The following MID2 variants were observed in gnomAD, a reference collection of about 807,000 sequenced individuals.
MID2 encodes probable E3 ubiquitin-protein ligase MID2.
Under a neutral mutation model 46.1 loss-of-function variants are expected in MID2, and 13 were observed. The observed-to-expected ratio is 0.28, with a 90% CI of 0.18 to 0.45. The LOEUF (loss-of-function observed/expected upper bound fraction) is 0.45. Among genes scored for constraint, MID2 ranks in the 20% least tolerant of loss-of-function variants. MID2 has a pLI of 1.00. For synonymous variants in MID2, 199 were observed against 212.3 expected, an observed-to-expected ratio of 0.94 and a Z score of 0.55; for missense variants, 431 against 575.4, an observed-to-expected ratio of 0.75 and a Z score of 2.57.
intron 3 of MID2, among the ~76,000 whole-genome samples, chrX:107,887,254 G>A (rs756204503): frequency 0.012 from 1,313 of 111,970 alleles, 17 homozygotes; most frequent in African/African-American, 0.04. Flanking sequence ...GATATTGGCT[G>A]TGGGTTTTTC....
chrX:107,899,438 A>G (rs906556589), intron 3 of MID2, among the ~76,000 whole-genome samples: 1 of 111,053 alleles, frequency 9.0e-6, no homozygotes, highest in Non-Finnish European at 1.9e-5. Context: ...GGGGAAGACT[A>G]GGTCTTACTC....
intron 3 of MID2, among the ~76,000 whole-genome samples, chrX:107,896,652 T>C (rs1278417483): frequency 1.8e-5 from 2 of 112,854 alleles, no homozygotes; most frequent in African/African-American, 6.4e-5. Flanking sequence ...TTAAAATATG[T>C]TGTATTATGC....
chrX:107,832,069 C>T (rs1931100263), intron 1 of MID2, among the ~76,000 whole-genome samples: 1 of 112,034 alleles, frequency 8.9e-6, no homozygotes, highest in South Asian at 3.7e-4. Context: ...ATAAAATACT[C>T]AATGTTTGGA....
intron 3 of MID2, among the ~76,000 whole-genome samples, chrX:107,898,474 C>A (rs1475897233): frequency 8.9e-6 from 1 of 112,049 alleles, no homozygotes; most frequent in Non-Finnish European, 1.9e-5. Context: ...TTTATCTAAT[C>A]CTCTGATTGT....
At chrX:107,890,730 G>T (rs1214727408) in intron 3 of MID2, among the ~76,000 whole-genome samples, 1 of 111,851 alleles carries the variant, frequency 8.9e-6, no homozygotes, top group African/African-American at 3.2e-5. Context: ...AGTCTACAGA[G>T]GCAGGCAGGC....
intron 3 of MID2, among the ~76,000 whole-genome samples, chrX:107,865,993 G>C (rs781180440): frequency 2.9e-4 from 33 of 112,717 alleles, no homozygotes; most frequent in African/African-American, 1.0e-3. Context: ...TTAGAGAAGA[G>C]GGTGAGTGAC....
At position 107,925,074 on chromosome X, in the gene MID2, G is replaced by T. The variant is rs776573292; in HGVS notation, c.1597+570G>T. Among the ~76,000 whole-genome samples the T allele has an allele frequency of 1.6e-4, 18 of 112,295 alleles. No individual in the cohort carries two copies. In the East Asian group the frequency reaches 5.0e-3, roughly 31 times the overall value. On this transcript the variant is annotated intron_variant, in intron 8 of 9. Transcript: ENST00000262843. The stretch of plus-strand genomic sequence containing the variant: ...GCCACATGGCTGCAAGATGGCCACT[G>T]CAACTTTCAGATGTCATATTACCTC...
At chrX:107,912,991 G>A (rs1376552633) in intron 5 of MID2, among the ~76,000 whole-genome samples, 1 of 110,159 alleles carries the variant, frequency 9.1e-6, no homozygotes, top group Non-Finnish European at 1.9e-5. Flanking sequence ...TAGAAACCAA[G>A]GCCTTGAGAG....
At chrX:107,889,941 G>C (rs1932559806) in intron 3 of MID2, among the ~76,000 whole-genome samples, 1 of 111,756 alleles carries the variant, frequency 8.9e-6, no homozygotes, top group Non-Finnish European at 1.9e-5. Context: ...TCATCACATA[G>C]TTCTCGTGCC....
At chrX:107,839,752 C>T (rs1931291878) in intron 1 of MID2, among the ~76,000 whole-genome samples, 1 of 112,101 alleles carries the variant, frequency 8.9e-6, no homozygotes, top group Non-Finnish European at 1.9e-5. Flanking sequence ...TAATTTCTAT[C>T]TAGATATTGA....
chrX:107,889,622 C>A (rs772441662), intron 3 of MID2, among the ~76,000 whole-genome samples: 100 of 111,017 alleles, frequency 9.0e-4, no homozygotes, highest in African/African-American at 3.2e-3. Flanking sequence ...TCGAGGGTAT[C>A]TTTGTGGCAT....
At position 107,892,612 on chromosome X, in the gene MID2, A is replaced by G. The variant is rs780225880; in HGVS notation, c.817-11346A>G. Among the ~76,000 whole-genome samples the G allele has an allele frequency of 7.2e-5, 8 of 111,377 alleles. No individual in the cohort carries two copies. The South Asian group carries it at 3.1e-3, about 43-fold the overall frequency. On this transcript the variant is annotated intron_variant, in intron 3 of 9. Coordinates refer to ENST00000262843, the MANE Select transcript of MID2 (RefSeq NM_012216.4). ...ACCTGTCATGTCACTCCCTACCACA[A>G]ACCCTTTAATGGTTCCCCCACTGCC...
chrX:107,904,768 A>G (rs947205108), intron 4 of MID2, among the ~76,000 whole-genome samples: 2 of 112,028 alleles, frequency 1.8e-5, no homozygotes, highest in Non-Finnish European at 3.8e-5. Flanking sequence ...AATCATGATC[A>G]TAAGCGTCAA....
At chrX:107,867,976 A>G (rs2147841289) in intron 3 of MID2, among the ~76,000 whole-genome samples, 1 of 111,784 alleles carries the variant, frequency 8.9e-6, no homozygotes, top group East Asian at 2.8e-4. Flanking sequence ...GACTTAGGAT[A>G]GACATAAATA....
chrX:107,859,995 C>T (rs1466237573), intron 3 of MID2, among the ~76,000 whole-genome samples: 2 of 111,794 alleles, frequency 1.8e-5, no homozygotes, highest in Non-Finnish European at 3.8e-5. Flanking sequence ...GGATTTTAAG[C>T]AGGTGAATAA....
At chrX:107,926,436 T>C in intron 9 of MID2, 135 bp downstream of exon 9, 1 of 648,115 alleles carries the variant, frequency 1.5e-6, no homozygotes. Context: ...CCTAGAAAAA[T>C]TTGCCAGCTT....
rs748570648 is a variant in MID2 at position 107,845,898 on chromosome X, G to A, written c.720+4513G>A. 1.3e-4 allele frequency among the ~76,000 whole-genome samples: 15 copies of A among 111,872 alleles called. No homozygotes were observed. The South Asian group carries it at 5.3e-3, about 39-fold the overall frequency. On this transcript the variant is annotated intron_variant, in intron 2 of 9. Transcript: ENST00000262843. ...TAAGTATAAATATAAGGGAAAGAAA[G>A]TGAAGTATATTTATGAGAGACTAGG...
intron 2 of MID2, among the ~76,000 whole-genome samples, chrX:107,842,641 C>T (rs1931372860): frequency 8.9e-6 from 1 of 112,103 alleles, no homozygotes; most frequent in African/African-American, 3.2e-5. Flanking sequence ...AGAGTAGTCA[C>T]AATGACTATG....
chrX:107,893,748 T>C (rs1932653421), intron 3 of MID2, among the ~76,000 whole-genome samples: 1 of 112,401 alleles, frequency 8.9e-6, no homozygotes, highest in African/African-American at 3.2e-5. Flanking sequence ...ACACTGAACC[T>C]CATTTTATTC....
Sources: gnomAD v4.1 joint callset for allele counts (sites outside exome capture counted in the v4.1 genomes callset) on GRCh38, gnomAD v4.1.1 for gene constraint, MANE v1.5 for transcripts, NCBI Gene and HGNC (gene_info 2026-07-23, HGNC 2026-07-21) for gene names.